ANO4: variants seen among roughly 807,000 people sequenced by gnomAD.
The protein encoded by ANO4 is anoctamin-4.
ANO4 carries 69 observed loss-of-function variants against 141.9 expected under a neutral mutation model. The observed-to-expected ratio is 0.49, with a 90% CI of 0.40 to 0.59. The LOEUF (loss-of-function observed/expected upper bound fraction) is 0.59. ANO4 is among the 20% of genes least tolerant of loss of function. The probability of loss-of-function intolerance (pLI) is 0.00; values close to 1 mark genes in which losing one functional copy is unlikely to be tolerated. For synonymous variants in ANO4, 350 were observed against 394.3 expected (o/e 0.89, Z 1.33); for missense variants, 894 against 1,162.2 (o/e 0.77, Z 3.36).
At chr12:100,918,604 G>C (rs562185594) in intron 2 of ANO4, among the ~76,000 whole-genome samples, 3 of 152,238 alleles carry the variant, frequency 2.0e-5, no homozygotes, top group Admixed American at 6.5e-5. Context: ...GATGTTGCAG[G>C]TGTTGTAATG....
chr12:100,973,954 T>A (rs555458806), intron 6 of ANO4, among the ~76,000 whole-genome samples: 1 of 152,296 alleles, frequency 6.6e-6, no homozygotes, highest in South Asian at 2.1e-4. Context: ...CGCAAAAAAA[T>A]TGGTGATATA....
intron 3 of ANO4, among the ~76,000 whole-genome samples, chr12:100,931,225 C>A (rs1051344907): frequency 6.6e-6 from 1 of 152,050 alleles, no homozygotes; most frequent in African/African-American, 2.4e-5. Flanking sequence ...CTAAGGTGTT[C>A]AAAGCTGTAT....
At chr12:100,758,134 G>A (rs1048782279) in intron 3 of ANO4, among the ~76,000 whole-genome samples, 1 of 152,224 alleles carries the variant, frequency 6.6e-6, no homozygotes, top group Non-Finnish European at 1.5e-5. Flanking sequence ...CCTCCAGCTT[G>A]TCTAACTGCA....
chr12:100,819,496 A>G (rs1480520075), intron 1 of ANO4, among the ~76,000 whole-genome samples: 3 of 152,004 alleles, frequency 2.0e-5, no homozygotes, highest in East Asian at 3.9e-4. Flanking sequence ...TCAGTGGTAT[A>G]AAAATGATAT....
chr12:100,979,803 C>T (rs2044367787), intron 7 of ANO4, among the ~76,000 whole-genome samples: 1 of 151,724 alleles, frequency 6.6e-6, no homozygotes, highest in Non-Finnish European at 1.5e-5. Flanking sequence ...TCTCGGCTCA[C>T]TGCAAGCTCC....
intron 25 of ANO4, among the ~76,000 whole-genome samples, chr12:101,117,558 C>T (rs942174695): frequency 2.0e-5 from 3 of 152,140 alleles, no homozygotes; most frequent in Non-Finnish European, 2.9e-5. Context: ...AATACTTTGA[C>T]GTTATAAGAA....
intron 1 of ANO4, among the ~76,000 whole-genome samples, chr12:100,896,989 C>CA (rs752273303): frequency 4.5e-4 from 69 of 152,180 alleles, no homozygotes; most frequent in Admixed American, 9.2e-4. Flanking sequence ...AAAACTGAGG[C>CA]AAAAATTTAA....
At chr12:100,995,882 A>T (rs567662982) in intron 8 of ANO4, among the ~76,000 whole-genome samples, 1 of 152,340 alleles carries the variant, frequency 6.6e-6, no homozygotes, top group Non-Finnish European at 1.5e-5. Context: ...GCAAGGCAGA[A>T]TTGGCATTGT....
At chr12:100,845,059 T>G (rs2037487091) in intron 1 of ANO4, among the ~76,000 whole-genome samples, 2 of 152,260 alleles carry the variant, frequency 1.3e-5, no homozygotes, top group South Asian at 4.1e-4. Flanking sequence ...CATGTGAAGT[T>G]CTACTGGGAG....
intron 8 of ANO4, among the ~76,000 whole-genome samples, chr12:100,993,079 CTTGGGAGG>C (rs1174099892): frequency 6.6e-6 from 1 of 152,034 alleles, no homozygotes; most frequent in Admixed American, 6.6e-5. Context: ...GTCCCAGCTA[CTTGGGAGG>C]TTGAGCTGGG....
intron 9 of ANO4, among the ~76,000 whole-genome samples, chr12:101,027,641 T>G (rs2046799515): frequency 6.6e-6 from 1 of 152,050 alleles, no homozygotes; most frequent in Admixed American, 6.5e-5. Context: ...CTTCCTCACT[T>G]CCTATATGGT....
rs1566286837 is a variant in ANO4, at chr12:101,127,059, G to A, written c.2857G>A (p.Glu953Lys). ...GAAGAATGGAAAAGCACACCACAAC[G>A]AGTGGCCGTGACCATGTAGGTGAGA... ...RKKNGKAHHN[E>K]WP The change falls in exon 27 of 28, where the codon GAG becomes AAG. Residue 953 changes from glutamate to lysine, a missense_variant. Coordinates refer to ENST00000392977, the MANE Select transcript of ANO4 (RefSeq NM_001286615.2). 1 of 1,612,766 alleles carries A rather than the reference G, an allele frequency of 6.2e-7. No individual in the cohort carries two copies. The highest frequency in any genetic ancestry group is 8.5e-7 in the Non-Finnish European group (1 of 1,179,308).
At chr12:101,030,680 T>A (rs1359297676) in intron 9 of ANO4, among the ~76,000 whole-genome samples, 1 of 151,798 alleles carries the variant, frequency 6.6e-6, no homozygotes, top group African/African-American at 2.4e-5. Flanking sequence ...AACCAGGAAC[T>A]GTTTTTTTGA....
At chr12:100,912,406 A>AAAAG (rs2041143539) in intron 2 of ANO4, among the ~76,000 whole-genome samples, 1 of 100,948 alleles carries the variant, frequency 9.9e-6, no homozygotes, top group Admixed American at 1.0e-4. Context: ...AAAAAAAAAA[A>AAAAG]AAAGAAAAAA....
intron 3 of ANO4, among the ~76,000 whole-genome samples, chr12:100,779,439 A>G (rs2033643141): frequency 6.6e-6 from 1 of 152,230 alleles, no homozygotes. Context: ...CCTCAGAAGC[A>G]TGAGATGCAG....
intron 5 of ANO4, among the ~76,000 whole-genome samples, chr12:100,957,592 T>A (rs141364883): frequency 7.7e-4 from 117 of 152,314 alleles, no homozygotes; most frequent in South Asian, 3.9e-3. Context: ...ATTTTTTAAT[T>A]TATTATTTTT....
chr12:100,756,030 CAT>C (rs1180952999), intron 3 of ANO4, among the ~76,000 whole-genome samples: 2 of 152,146 alleles, frequency 1.3e-5, no homozygotes, highest in Non-Finnish European at 2.9e-5. Flanking sequence ...GGAGTCTTCA[CAT>C]GTCATTATTT....
intron 27 of ANO4, 106 bp downstream of exon 27, chr12:101,127,180 T>C (rs1021550794): frequency 2.2e-5 from 25 of 1,160,626 alleles, no homozygotes; most frequent in Non-Finnish European, 2.8e-5. Context: ...GGGATCAAAA[T>C]AAACTCCTTA....
chr12:100,790,651 A>AG (rs2034015380), upstream of ANO4, among the ~76,000 whole-genome samples: 1 of 152,084 alleles, frequency 6.6e-6, no homozygotes, highest in Admixed American at 6.6e-5. Context: ...TTCAGAAAAA[A>AG]AAAAAGAAAA....
Sources: gnomAD v4.1 joint callset for allele counts (sites outside exome capture counted in the v4.1 genomes callset) on GRCh38, gnomAD v4.1.1 for gene constraint, MANE v1.5 for transcripts, NCBI Gene and HGNC (gene_info 2026-07-23, HGNC 2026-07-21) for gene names.